Variants in DIS3L2 observed in about 807,000 individuals in gnomAD.
The protein encoded by DIS3L2 is DIS3-like exonuclease 2.
DIS3L2 carries 34 observed loss-of-function variants against 97.5 expected under a neutral mutation model. The observed-to-expected ratio is 0.35, with a 90% CI of 0.27 to 0.46. DIS3L2 has a LOEUF of 0.46. Among genes scored for constraint, DIS3L2 ranks in the 20% least tolerant of loss-of-function variants. DIS3L2 has a pLI of 1.00. For missense variants in DIS3L2, 1,038 were observed against 1,146.0 expected, an observed-to-expected ratio of 0.91 and a Z score of 1.36; for synonymous variants, 435 against 445.2, an observed-to-expected ratio of 0.98 and a Z score of 0.29.
chr2:231,988,240 G>A (rs1270374362), intron 1 of DIS3L2, among the ~76,000 whole-genome samples: 2 of 152,176 alleles, frequency 1.3e-5, no homozygotes, highest in Admixed American at 6.5e-5. Flanking sequence ...TTTTTACGTG[G>A]AAAATCTAGA....
chr2:232,240,116 A>G lies in DIS3L2; in HGVS notation c.1317+1471A>G, dbSNP rs115046330. ...CTCTCTTGTCCCAAAGGAAAGCCAG[A>G]GCTGTTATCTGCCATAGCCGCCTTC... On this transcript the variant is annotated intron_variant, in intron 11 of 20. Transcript: ENST00000325385. 4.0e-3 allele frequency among the ~76,000 whole-genome samples: 613 copies of G among 152,318 alleles called. 5 individuals carry two copies. The highest frequency in any genetic ancestry group is 0.014 in the African/African-American group (577 of 41,576).
chr2:232,334,792 G>T, intron 19 of DIS3L2, 57 bp downstream of exon 19: 1 of 1,484,658 alleles, frequency 6.7e-7, no homozygotes, highest in Non-Finnish European at 9.2e-7. Context: ...ATCCCGCACT[G>T]GAGGGGCACA....
intron 5 of DIS3L2, among the ~76,000 whole-genome samples, chr2:232,056,382 A>G (rs1695550739): frequency 6.6e-6 from 1 of 151,928 alleles, no homozygotes; most frequent in South Asian, 2.1e-4. Context: ...CAACAACAAC[A>G]ACAACAACAA....
At chr2:232,136,767 G>A (rs568422819) in intron 8 of DIS3L2, 48 bp downstream of exon 8, 21 of 1,588,658 alleles carry the variant, frequency 1.3e-5, no homozygotes, top group Admixed American at 1.8e-5. Flanking sequence ...GCAGAACTCA[G>A]TTTAGGTGGT....
chr2:232,082,738 A>C (rs73001163), intron 5 of DIS3L2, among the ~76,000 whole-genome samples: 1,715 of 152,312 alleles, frequency 0.011, 18 homozygotes, highest in Non-Finnish European at 0.016. Flanking sequence ...AGATTATCAC[A>C]AAATCAGACG....
chr2:232,015,389 C>T (rs1166006646), intron 2 of DIS3L2, 125 bp from the exon 3 acceptor site: 18 of 1,263,228 alleles, frequency 1.4e-5, no homozygotes, highest in Non-Finnish European at 1.8e-5. Context: ...TTAAAAATCA[C>T]CATCAGGGAG....
intron 8 of DIS3L2, among the ~76,000 whole-genome samples, chr2:232,154,165 A>G (rs1405883156): frequency 2.4e-5 from 1 of 42,118 alleles, no homozygotes; most frequent in Non-Finnish European, 4.8e-5. Context: ...CCCGTAGCTC[A>G]GAGTAATTTG....
intron 1 of DIS3L2, among the ~76,000 whole-genome samples, chr2:231,981,095 C>T (rs1306622935): frequency 1.3e-5 from 2 of 152,054 alleles, no homozygotes; most frequent in African/African-American, 4.8e-5. Context: ...AGGCATGCAC[C>T]ACCATGCCTG....
intron 10 of DIS3L2, among the ~76,000 whole-genome samples, chr2:232,232,584 T>TATC (rs1692824502): frequency 6.6e-6 from 1 of 152,114 alleles, no homozygotes; most frequent in African/African-American, 2.4e-5. Context: ...CAAGCATGGG[T>TATC]ATCACTTTTG....
intron 9 of DIS3L2, among the ~76,000 whole-genome samples, chr2:232,209,752 T>C (rs1264916372): frequency 6.6e-6 from 1 of 152,124 alleles, no homozygotes; most frequent in Non-Finnish European, 1.5e-5. Context: ...GGTAAGAGTG[T>C]GATGTTCGTA....
intron 6 of DIS3L2, among the ~76,000 whole-genome samples, chr2:232,106,382 A>G (rs928907309): frequency 4.6e-5 from 7 of 152,202 alleles, no homozygotes; most frequent in African/African-American, 1.7e-4. Flanking sequence ...TTACCAAGCA[A>G]ATGGAAAACA....
intron 16 of DIS3L2, among the ~76,000 whole-genome samples, chr2:232,333,474 C>T (rs1012354723): frequency 2.6e-5 from 4 of 152,190 alleles, no homozygotes; most frequent in Admixed American, 1.3e-4. Context: ...AGGCTCAGCT[C>T]GTGCCCCCTA....
chr2:232,025,199 A>G (rs1402659804), intron 4 of DIS3L2, among the ~76,000 whole-genome samples: 3 of 152,288 alleles, frequency 2.0e-5, no homozygotes, highest in South Asian at 2.1e-4. Context: ...CCTTATTTGA[A>G]ACACTTGGGA....
rs1690897282 is a variant in DIS3L2 at position 232,168,747 on chromosome 2, TTCCTTA to T, written c.1124+5117_1124+5122del. On this transcript the variant is annotated intron_variant, in intron 9 of 20. Coordinates refer to ENST00000325385, the MANE Select transcript of DIS3L2 (RefSeq NM_152383.5). ...CATGTAGTTATGTAGTGTCAGTTAA[TTCCTTA>T]TTTTTAACACACATAAAGAGAAGCC... 3.3e-5 allele frequency among the ~76,000 whole-genome samples: 5 copies of T among 152,196 alleles called. No homozygotes were observed. In the South Asian group the frequency reaches 1.0e-3, roughly 32 times the overall value.
intron 5 of DIS3L2, among the ~76,000 whole-genome samples, chr2:232,045,889 G>T (rs915589257): frequency 2.4e-4 from 37 of 151,914 alleles, no homozygotes; most frequent in Admixed American, 1.0e-3. Context: ...TGACCAGGCT[G>T]GTCTCGAACC....
At chr2:232,149,466 C>T (rs1430677411) in intron 8 of DIS3L2, among the ~76,000 whole-genome samples, 1 of 139,740 alleles carries the variant, frequency 7.2e-6, no homozygotes, top group Non-Finnish European at 1.5e-5. Context: ...TTTGTTCTTG[C>T]GATAGTTTAC....
At chr2:232,308,907 T>C (rs1349347650) in intron 14 of DIS3L2, among the ~76,000 whole-genome samples, 1 of 152,084 alleles carries the variant, frequency 6.6e-6, no homozygotes, top group Non-Finnish European at 1.5e-5. Flanking sequence ...GTGTTTATCA[T>C]GGAGGATGTG....
intron 6 of DIS3L2, among the ~76,000 whole-genome samples, chr2:232,097,727 CT>C (rs1428669976): frequency 1.3e-5 from 2 of 152,200 alleles, no homozygotes; most frequent in Non-Finnish European, 2.9e-5. Context: ...CAAGAGCCCA[CT>C]TGGTACCCTT....
At chr2:232,131,211 T>G (rs1367963301) in intron 7 of DIS3L2, 2 of 152,482 alleles carry the variant, frequency 1.3e-5, no homozygotes, top group Non-Finnish European at 1.5e-5. Context: ...TATTCCTATT[T>G]CACCATTTTG....
Sources: gnomAD v4.1 joint callset for allele counts (sites outside exome capture counted in the v4.1 genomes callset) on GRCh38, gnomAD v4.1.1 for gene constraint, MANE v1.5 for transcripts, NCBI Gene and HGNC (gene_info 2026-07-23, HGNC 2026-07-21) for gene names.